ENPEP: variants seen among roughly 807,000 people sequenced by gnomAD.
ENPEP encodes the protein AP-A.
A neutral mutation model predicts 114.5 loss-of-function variants in ENPEP; 103 were observed. That is an observed-to-expected ratio of 0.90 (90% CI 0.77 to 1.06). The LOEUF is 1.06. Ranked by LOEUF, ENPEP falls within the 50% of genes least tolerant of loss-of-function variation. ENPEP has a pLI of 0.00. For missense variants in ENPEP, 1,196 were observed against 1,161.3 expected (o/e 1.03, Z -0.43); for synonymous variants, 420 against 422.0 (o/e 1.00, Z 0.06).
At position 110,476,562 on chromosome 4, in the gene ENPEP, G is replaced by C; in HGVS notation, c.148G>C (p.Gly50Arg). 6.2e-7 allele frequency: 1 copy of C among 1,613,152 alleles called. No homozygotes were observed. Among genetic ancestry groups the C allele is most frequent in the South Asian group, 1.1e-5 (1 of 91,016 alleles). ...ATCGTGTGACTCCAGCGGGGACGGCGGGCCGGGCACTGCGCCAGCTCCTTC... is the reference window on the plus strand; with the variant it reads ...ATCGTGTGACTCCAGCGGGGACGGCCGGCCGGGCACTGCGCCAGCTCCTTC... ...TRSCDSSGDG[G>R]PGTAPAPSHL... is the part of the protein sequence containing the mutation. The change falls in exon 1 of 20, where the codon GGG becomes CGG. Residue 50 changes from glycine (G) to arginine (R), a missense_variant. By Grantham distance (125) the Gly-to-Arg change is moderately radical. Coordinates refer to ENST00000265162, the MANE Select transcript of ENPEP (RefSeq NM_001977.4).
chr4:110,511,234 C>G (rs1281943263), intron 6 of ENPEP, among the ~76,000 whole-genome samples: 1 of 152,168 alleles, frequency 6.6e-6, no homozygotes, highest in South Asian at 2.1e-4. Flanking sequence ...TAATTTACAA[C>G]AATTACTTCT....
intron 7 of ENPEP, 73 bp downstream of exon 7, chr4:110,513,622 G>C: frequency 6.4e-7 from 1 of 1,560,562 alleles, no homozygotes; most frequent in Non-Finnish European, 8.7e-7. Context: ...ACCTAAAAAT[G>C]GTAAGAATGG....
At chr4:110,558,139 G>C (rs935773868) in intron 18 of ENPEP, among the ~76,000 whole-genome samples, 3 of 148,616 alleles carry the variant, frequency 2.0e-5, no homozygotes, top group Non-Finnish European at 4.4e-5. Flanking sequence ...GGGATTACAA[G>C]GGCAAACCAT....
chr4:110,503,459 C>A (rs1280418594), intron 3 of ENPEP, among the ~76,000 whole-genome samples: 2 of 152,080 alleles, frequency 1.3e-5, no homozygotes, highest in East Asian at 3.9e-4. Context: ...TCCTTAGTTT[C>A]CTTGGATTGG....
At chr4:110,491,400 C>T (rs967271836) in intron 3 of ENPEP, among the ~76,000 whole-genome samples, 18 of 152,078 alleles carry the variant, frequency 1.2e-4, no homozygotes, top group Non-Finnish European at 1.9e-4. Context: ...TCAAGGGAAA[C>T]ATGTGCTGTA....
rs553944348 is a variant in ENPEP at position 110,532,844 on chromosome 4, G to A, written c.1807+1567G>A. 9.1e-4 allele frequency among the ~76,000 whole-genome samples: 138 copies of A among 151,600 alleles called. 1 individual carries two copies. The highest frequency in any genetic ancestry group is 3.2e-3 in the African/African-American group (134 of 41,326). The stretch of plus-strand genomic sequence containing the variant: ...AGAATTCCCAGATCAATGCCACTTT[G>A]TTTTAGTATTTTATGCTGTGTTTCA... On this transcript the variant is annotated intron_variant, in intron 11 of 19. Transcript: ENST00000265162.
At chr4:110,548,390 T>G (rs1038818588) in intron 14 of ENPEP, 64 bp downstream of exon 14, 7 of 1,349,240 alleles carry the variant, frequency 5.2e-6, no homozygotes, top group Admixed American at 2.7e-5. Flanking sequence ...ATAGGATGCT[T>G]TCTGAGAGAA....
chr4:110,542,937 A>G, intron 12 of ENPEP, 50 bp downstream of exon 12: 1 of 1,610,752 alleles, frequency 6.2e-7, no homozygotes, highest in Non-Finnish European at 8.5e-7. Flanking sequence ...TAAGAACAGC[A>G]TCTTAATGAT....
At chr4:110,497,662 C>T (rs1348214738) in intron 3 of ENPEP, among the ~76,000 whole-genome samples, 3 of 152,048 alleles carry the variant, frequency 2.0e-5, no homozygotes, top group Non-Finnish European at 2.9e-5. Context: ...AGGTGAGTTC[C>T]GACTCAGAGT....
chr4:110,546,320 C>A (rs1200142092), intron 13 of ENPEP, among the ~76,000 whole-genome samples: 2 of 151,750 alleles, frequency 1.3e-5, no homozygotes, highest in African/African-American at 2.4e-5. Context: ...TCCCCCCACC[C>A]CGCCCCCTGC....
intron 10 of ENPEP, among the ~76,000 whole-genome samples, chr4:110,524,139 C>G (rs1726108679): frequency 6.6e-6 from 1 of 151,918 alleles, no homozygotes; most frequent in Non-Finnish European, 1.5e-5. Context: ...TAAGCTCAAT[C>G]ACCCTCTTTT....
intron 4 of ENPEP, among the ~76,000 whole-genome samples, chr4:110,508,684 G>A (rs1047533628): frequency 6.6e-6 from 1 of 152,060 alleles, no homozygotes; most frequent in Admixed American, 6.5e-5. Context: ...GGTGGCGGGC[G>A]CCTGTAGTCC....
At chr4:110,542,605 G>A (rs955547658) in intron 11 of ENPEP, 146 bp from the exon 12 acceptor site, 27 of 663,478 alleles carry the variant, frequency 4.1e-5, no homozygotes, top group Non-Finnish European at 6.2e-5. Context: ...TAAAAATTAG[G>A]CTTTGGGTTT....
Position 110,488,515 on chromosome 4 carries a change from CGTTTGTTT to C in ENPEP, c.645-13_645-6del. Reference sequence around the variant, plus strand: ...TTGTCAGAAGAGGCAGCATGCATTTCGTTTGTTTGTTTGTTTGTTTCTAAGGAGCATAG... The same window carrying C: ...TTGTCAGAAGAGGCAGCATGCATTTCGTTTGTTTGTTTCTAAGGAGCATAG... On this transcript the variant is annotated intron_variant, in intron 1 of 19. Coordinates refer to ENST00000265162, the MANE Select transcript of ENPEP (RefSeq NM_001977.4). 2 of 1,572,294 alleles carry C rather than the reference CGTTTGTTT, an allele frequency of 1.3e-6. No individual in the cohort carries two copies. The highest frequency in any genetic ancestry group is 1.7e-6 in the Non-Finnish European group (2 of 1,159,818).
At chr4:110,561,291 T>C (rs1578424185) in intron 19 of ENPEP, 115 bp from the exon 20 acceptor site, 1 of 1,041,776 alleles carries the variant, frequency 9.6e-7, no homozygotes, top group Non-Finnish European at 1.4e-6. Context: ...CTCAACGTTG[T>C]GCAGTGATAC....
chr4:110,518,665 G>T (rs931467546), intron 8 of ENPEP, among the ~76,000 whole-genome samples: 1 of 152,172 alleles, frequency 6.6e-6, no homozygotes, highest in African/African-American at 2.4e-5. Context: ...CACACACACT[G>T]ATCCAGGGTT....
intron 11 of ENPEP, among the ~76,000 whole-genome samples, chr4:110,535,639 T>C (rs1229379696): frequency 6.6e-6 from 1 of 152,250 alleles, no homozygotes; most frequent in Non-Finnish European, 1.5e-5. Context: ...TTAGTGAATC[T>C]GAATACTCAT....
intron 18 of ENPEP, among the ~76,000 whole-genome samples, chr4:110,557,161 A>G (rs1388076754): frequency 1.3e-5 from 2 of 152,206 alleles, no homozygotes; most frequent in Non-Finnish European, 2.9e-5. Context: ...AAGGGCCAGA[A>G]GTCCAGGTAA....
intron 2 of ENPEP, among the ~76,000 whole-genome samples, chr4:110,490,699 C>T (rs1014077951): frequency 1.3e-5 from 2 of 152,166 alleles, no homozygotes; most frequent in African/African-American, 4.8e-5. Flanking sequence ...GTCTGTTTTT[C>T]ATTAGGAGAT....
Sources: gnomAD v4.1 joint callset for allele counts (sites outside exome capture counted in the v4.1 genomes callset) on GRCh38, gnomAD v4.1.1 for gene constraint, MANE v1.5 for transcripts, NCBI Gene and HGNC (gene_info 2026-07-23, HGNC 2026-07-21) for gene names.